Variants in PLAA observed in about 807,000 individuals in gnomAD.
The protein encoded by PLAA is phospholipase A-2-activating protein.
Under a neutral mutation model 84.1 loss-of-function variants are expected in PLAA, and 48 were observed. The observed-to-expected ratio is 0.57, with a 90% CI of 0.45 to 0.73. The LOEUF is 0.73. Ranked by LOEUF, PLAA falls within the 30% of genes least tolerant of loss-of-function variation. PLAA has a pLI of 0.00. For missense variants in PLAA, 903 were observed against 954.7 expected (o/e 0.95, Z 0.71); for synonymous variants, 392 against 336.6 (o/e 1.16, Z -1.80).
chr9:26,918,871 TACAA>T (rs1166701396), intron 9 of PLAA, among the ~76,000 whole-genome samples: 5 of 152,188 alleles, frequency 3.3e-5, no homozygotes, highest in Admixed American at 6.5e-5. Flanking sequence ...TATACGATGT[TACAA>T]ACAATTAACT....
At position 26,905,261 on chromosome 9, in the gene PLAA, T is replaced by C; in HGVS notation, c.*250A>G. The stretch of plus-strand genomic sequence containing the variant: ...AGGGGAAGATGTCATTGTCATTGTG[T>C]TGTTGCTGATTATAGCTTATTTTAA... On this transcript the variant is annotated 3_prime_UTR_variant, in exon 14 of 14. Coordinates refer to ENST00000397292, the MANE Select transcript of PLAA (RefSeq NM_001031689.3). The C allele has an allele frequency of 2.3e-6, 1 of 435,134 alleles. No individual in the cohort carries two copies. The highest frequency in any genetic ancestry group is 4.0e-5 in the East Asian group (1 of 24,980). The allele number at this position is 435,134 out of a possible 1,614,324, so 27.0% of individuals were successfully genotyped here.
chr9:26,935,638 T>C (rs1040613718), intron 1 of PLAA, among the ~76,000 whole-genome samples: 3 of 151,952 alleles, frequency 2.0e-5, no homozygotes, highest in South Asian at 2.1e-4. Context: ...TTATGAAGCA[T>C]TGACTTAGAG....
chr9:26,906,341 T>C (rs1386310337), intron 13 of PLAA, among the ~76,000 whole-genome samples: 1 of 152,090 alleles, frequency 6.6e-6, no homozygotes, highest in African/African-American at 2.4e-5. Context: ...ACTGTGAGTA[T>C]TCAAAAATGA....
At chr9:26,945,500 T>G (rs1026137741) in intron 1 of PLAA, among the ~76,000 whole-genome samples, 2 of 152,236 alleles carry the variant, frequency 1.3e-5, no homozygotes, top group Non-Finnish European at 2.9e-5. Context: ...ATACAGGAAT[T>G]TGCTCTATAC....
chr9:26,925,193 T>C (rs373421606), intron 6 of PLAA, among the ~76,000 whole-genome samples: 119 of 152,354 alleles, frequency 7.8e-4, no homozygotes, highest in African/African-American at 2.8e-3. Context: ...TTCCTGTCCA[T>C]TGTCACCAGC....
intron 11 of PLAA, among the ~76,000 whole-genome samples, chr9:26,911,728 T>C (rs895084291): frequency 6.6e-6 from 1 of 152,246 alleles, no homozygotes; most frequent in Admixed American, 6.5e-5. Context: ...AACTAAAGTA[T>C]AATTTAAATC....
intron 1 of PLAA, among the ~76,000 whole-genome samples, chr9:26,943,169 T>C (rs1051379466): frequency 6.6e-5 from 10 of 152,270 alleles, no homozygotes; most frequent in African/African-American, 1.9e-4. Flanking sequence ...GTAATTTAGC[T>C]TGAAGCTAGC....
At chr9:26,932,013 GGAGGCA>G (rs1434619530) in intron 2 of PLAA, among the ~76,000 whole-genome samples, 1 of 152,192 alleles carries the variant, frequency 6.6e-6, no homozygotes, top group Non-Finnish European at 1.5e-5. Context: ...CTTGAATCCA[GGAGGCA>G]GAGGTTACAG....
intron 2 of PLAA, among the ~76,000 whole-genome samples, chr9:26,932,520 C>T (rs1257350755): frequency 6.6e-6 from 1 of 152,224 alleles, no homozygotes. Flanking sequence ...TGCACTACAA[C>T]TGCAGAGTTG....
chr9:26,915,134 C>T (rs529304622), intron 10 of PLAA, among the ~76,000 whole-genome samples: 134 of 151,790 alleles, frequency 8.8e-4, no homozygotes, highest in African/African-American at 2.9e-3. Flanking sequence ...ATTGCTTGAG[C>T]ATGGGAGGCA....
rs746808419 is a variant in PLAA at position 26,930,106 on chromosome 9, A to AT, written c.344-1699dup. ...AAGCCAGTGCCTTATTATTATTATTATTTTTTTTTTTTTTTTGAGACAGAG... is the reference window on the plus strand; with the variant it reads ...AAGCCAGTGCCTTATTATTATTATTATTTTTTTTTTTTTTTTTGAGACAGAG... On this transcript the variant is annotated intron_variant, in intron 2 of 13. Transcript: ENST00000397292. Among the ~76,000 whole-genome samples, 784 of 140,172 alleles carry AT rather than the reference A, an allele frequency of 5.6e-3. 2 individuals are homozygous for AT. Among genetic ancestry groups the AT allele is most frequent in the Middle Eastern group, 7.2e-3 (2 of 276 alleles). 92.0% of individuals were successfully genotyped at this position (140,172 alleles called of 152,430 possible).
Position 26,927,976 on chromosome 9 carries a change from T to C in PLAA, c.565+124A>G, listed in dbSNP as rs1019934141. 7 of 1,091,326 alleles carry C rather than the reference T, an allele frequency of 6.4e-6. No homozygotes were observed. In the African/African-American group the frequency reaches 9.6e-5, roughly 15 times the overall value. The allele number at this position is 1,091,326 out of a possible 1,614,324, so 67.6% of individuals were successfully genotyped here. On this transcript the variant is annotated intron_variant, in intron 4 of 13. Transcript: ENST00000397292. ...AACTCATCAGAAAAATTACATTAAC[T>C]CAAATTAATAGCTTAAATATACTAA...
chr9:26,918,913 C>T (rs1223719748), intron 9 of PLAA, among the ~76,000 whole-genome samples: 1 of 152,136 alleles, frequency 6.6e-6, no homozygotes, highest in Admixed American at 6.5e-5. Context: ...ATACACATCA[C>T]ATATAAACTA....
chr9:26,927,056 A>G (rs576624388), intron 4 of PLAA, among the ~76,000 whole-genome samples: 14 of 151,952 alleles, frequency 9.2e-5, no homozygotes, highest in Non-Finnish European at 1.9e-4. Context: ...TATAGACTAT[A>G]TACTGAAGCA....
intron 11 of PLAA, among the ~76,000 whole-genome samples, chr9:26,911,309 C>T (rs536635903): frequency 4.8e-4 from 73 of 152,266 alleles, no homozygotes; most frequent in Non-Finnish European, 7.1e-4. Context: ...TGAGCTACCA[C>T]GCCCGGCTAA....
intron 6 of PLAA, among the ~76,000 whole-genome samples, chr9:26,925,405 C>T (rs554552454): frequency 8.8e-4 from 134 of 152,356 alleles, no homozygotes; most frequent in African/African-American, 2.9e-3. Flanking sequence ...ACTTCCTATG[C>T]ATGCTGCATT....
chr9:26,918,243 C>G (rs1177116261), intron 9 of PLAA, among the ~76,000 whole-genome samples: 2 of 150,956 alleles, frequency 1.3e-5, no homozygotes, highest in Admixed American at 1.3e-4. Flanking sequence ...TTCCAAGGAG[C>G]TGGGATTACA....
At chr9:26,918,289 T>A (rs1370261951) in intron 9 of PLAA, among the ~76,000 whole-genome samples, 3 of 85,898 alleles carry the variant, frequency 3.5e-5, no homozygotes, top group Non-Finnish European at 6.8e-5. Context: ...ATTTTTTGTA[T>A]TTTTTTTTTT....
At position 26,905,285 on chromosome 9, in the gene PLAA, A is replaced by G; in HGVS notation, c.*226T>C. On this transcript the variant is annotated 3_prime_UTR_variant, in exon 14 of 14. Transcript: ENST00000397292. ...GTTGTTGCTGATTATAGCTTATTTT[A>G]AATTTGTGTTCACACTCTTGAAAAT... is the stretch of plus-strand genomic sequence containing the variant. 1 of 499,308 alleles carries G rather than the reference A, an allele frequency of 2.0e-6. No individual in the cohort carries two copies. The highest frequency in any genetic ancestry group is 1.9e-5 in the African/African-American group (1 of 51,478). The allele number at this position is 499,308 out of a possible 1,614,324, so 30.9% of individuals were successfully genotyped here. A position where few individuals can be genotyped will look rare whatever the true frequency, so the allele number is the denominator to read the frequency against.
Sources: allele counts gnomAD v4.1 joint callset (sites outside exome capture counted in the v4.1 genomes callset), GRCh38; gene constraint gnomAD v4.1.1; transcripts MANE v1.5; gene names NCBI Gene and HGNC (gene_info 2026-07-23, HGNC 2026-07-21).